The following TACC2 variants were observed in gnomAD, a reference collection of about 807,000 sequenced individuals.
The protein encoded by TACC2 is transforming acidic coiled-coil-containing protein 2.
A neutral mutation model predicts 227.3 loss-of-function variants in TACC2; 137 were observed. The ratio of observed to expected loss-of-function variants is 0.60; its 90% CI spans 0.52 to 0.69. The LOEUF is 0.69. Among genes scored for constraint, TACC2 ranks in the 30% least tolerant of loss-of-function variants. The pLI, the probability that TACC2 is intolerant of heterozygous loss-of-function variation, is 0.00. For missense variants in TACC2, 3,470 were observed against 3,694.4 expected (o/e 0.94, Z 1.57); for synonymous variants, 1,523 against 1,487.5 (o/e 1.02, Z -0.55).
In TACC2 at chr10:122,230,367, C is replaced by A; in HGVS notation, c.8054C>A (p.Ala2685Asp). Residue 2685 changes from alanine (A) to aspartate (D), a missense_variant, in exon 16 of 23, where the codon GCC (alanine) becomes GAC (aspartate). Ala to Asp is a moderately radical substitution (Grantham distance 126). Around this residue, in one of 10 missense-constraint regions of TACC2, gnomAD observed 345 missense variants for 354.4 expected, o/e 0.97. Transcript: ENST00000369005. ...AQKLQEELEF[A>D]IMRIEALKLA... is the part of the protein sequence containing the mutation. ...TGTGGGCAGGAGGAGTTAGAGTTTG[C>A]CATCATGCGGATAGAAGCCCTGAAG... 1.2e-6 allele frequency: 2 copies of A among 1,614,110 alleles called. No individual in the cohort carries two copies. Among genetic ancestry groups the A allele is most frequent in the Non-Finnish European group, 1.7e-6 (2 of 1,179,988 alleles).
intron 8 of TACC2, among the ~76,000 whole-genome samples, chr10:122,196,950 A>AC (rs2094591994): frequency 2.7e-5 from 4 of 149,900 alleles, no homozygotes; most frequent in Non-Finnish European, 4.4e-5. Context: ...AAAAAAAAAA[A>AC]ACAAAAAAAC....
intron 6 of TACC2, among the ~76,000 whole-genome samples, chr10:122,133,674 G>A (rs941033956): frequency 6.6e-6 from 1 of 152,118 alleles, no homozygotes; most frequent in Non-Finnish European, 1.5e-5. Flanking sequence ...GGAACTCATG[G>A]CCCAGTGACC....
At chr10:122,024,503 G>C (rs1302383292) in intron 2 of TACC2, among the ~76,000 whole-genome samples, 1 of 152,076 alleles carries the variant, frequency 6.6e-6, no homozygotes, top group South Asian at 2.1e-4. Flanking sequence ...GACCATGCCC[G>C]TCACCAGGGG....
intron 1 of TACC2, among the ~76,000 whole-genome samples, chr10:122,020,049 T>G (rs1426250794): frequency 6.6e-6 from 1 of 152,198 alleles, no homozygotes; most frequent in Non-Finnish European, 1.5e-5. Flanking sequence ...TTTAGTCTGT[T>G]TGTTTAAAAA....
In TACC2 at chr10:122,209,661, A is replaced by G. The variant is rs535429031; in HGVS notation, c.5972-736A>G. Among the ~76,000 whole-genome samples, 2 of 152,204 alleles carry G rather than the reference A, an allele frequency of 1.3e-5. No homozygotes were observed. Among genetic ancestry groups the G allele is most frequent in the East Asian group, 3.9e-4 (2 of 5,178 alleles). ...TCCCGGCTTTATTTTTCTCCTTAGCATGTATCACCCTCTGAAATTCTGTAC... is the reference window on the plus strand; with the variant it reads ...TCCCGGCTTTATTTTTCTCCTTAGCGTGTATCACCCTCTGAAATTCTGTAC... On this transcript the variant is annotated intron_variant, in intron 8 of 22. Coordinates refer to ENST00000369005, the MANE Select transcript of TACC2 (RefSeq NM_206862.4). The surrounding 1 kb of genome is among the most constrained non-coding windows in gnomAD (Gnocchi z 4.5).
At chr10:122,099,558 C>T (rs1389268403) in intron 5 of TACC2, among the ~76,000 whole-genome samples, 1 of 152,180 alleles carries the variant, frequency 6.6e-6, no homozygotes, top group African/African-American at 2.4e-5. Context: ...TGAGTCTGTC[C>T]TCCCCAGCAG....
chr10:122,011,560 C>T (rs1955929182), intron 1 of TACC2, among the ~76,000 whole-genome samples: 1 of 152,142 alleles, frequency 6.6e-6, no homozygotes, highest in African/African-American at 2.4e-5. Context: ...GATCTCTTCA[C>T]CTCGTGATCT....
At chr10:122,076,092 A>G (rs2078773107) in intron 3 of TACC2, among the ~76,000 whole-genome samples, 1 of 152,072 alleles carries the variant, frequency 6.6e-6, no homozygotes, top group Non-Finnish European at 1.5e-5. Context: ...GAGCCACTGC[A>G]CCTAGCATTG....
intron 6 of TACC2, among the ~76,000 whole-genome samples, chr10:122,136,453 G>T (rs1027473950): frequency 2.3e-4 from 35 of 152,008 alleles, no homozygotes; most frequent in Admixed American, 4.6e-4. Context: ...AACAGTCCTC[G>T]GGAGAGGTGT....
intron 13 of TACC2, 122 bp downstream of exon 13, chr10:122,226,603 T>C (rs2095633851): frequency 3.3e-6 from 2 of 615,150 alleles, no homozygotes; most frequent in Non-Finnish European, 5.4e-6. Context: ...ACATGCCACA[T>C]ATTTTTTTTT....
At chr10:122,224,005 C>T (rs374632815) in intron 11 of TACC2, among the ~76,000 whole-genome samples, 3 of 152,144 alleles carry the variant, frequency 2.0e-5, no homozygotes, top group South Asian at 2.1e-4. Flanking sequence ...ATGGGGAGTT[C>T]AGTTGAGTGT....
chr10:122,211,453 A>G lies in TACC2; in HGVS notation c.7028A>G (p.Asp2343Gly). The change falls in exon 9 of 23, where the codon GAT becomes GGT. Residue 2343 changes from aspartate to glycine, a missense_variant. Around this residue, in one of 10 missense-constraint regions of TACC2, gnomAD observed 593 missense variants for 636.6 expected, o/e 0.93. Coordinates refer to ENST00000369005, the MANE Select transcript of TACC2 (RefSeq NM_206862.4). ...TACACCTTTGATATTGACAAGTGGG[A>G]TGACCCCAATTTTAACCCTTTTTCT... ...GTYTFDIDKW[D>G]DPNFNPFSST... 1.2e-5 allele frequency: 20 copies of G among 1,614,104 alleles called. No homozygotes were observed. The highest frequency in any genetic ancestry group is 1.6e-5 in the Non-Finnish European group (19 of 1,180,018).
In TACC2 at chr10:122,087,360, C is replaced by T. The variant is rs200645473; in HGVS notation, c.4860C>T (p.His1620=). 1.2e-5 allele frequency: 19 copies of T among 1,614,072 alleles called. No homozygotes were observed. The East Asian group carries it at 3.8e-4, about 32-fold the overall frequency. Residue 1620 remains histidine, a synonymous_variant, in exon 4 of 23, where the codon CAC becomes CAT. Coordinates refer to ENST00000369005, the MANE Select transcript of TACC2 (RefSeq NM_206862.4). The part of the protein sequence containing the change: ...HGEDGPGDFA[H]TGVPGHVPRS... ...AAGATGGTCCCGGGGACTTTGCTCA[C>T]ACAGGGGTTCCAGGACATGTGCCAA... is the stretch of plus-strand genomic sequence containing the variant.
intron 10 of TACC2, 71 bp downstream of exon 10, chr10:122,215,522 G>A: frequency 1.5e-6 from 2 of 1,334,788 alleles, no homozygotes; most frequent in Admixed American, 1.7e-5. Flanking sequence ...TGTTGACAAA[G>A]CTTTGCTTTC....
At chr10:122,047,616 A>G (rs1233757649) in intron 2 of TACC2, among the ~76,000 whole-genome samples, 1 of 152,216 alleles carries the variant, frequency 6.6e-6, no homozygotes, top group East Asian at 1.9e-4. Context: ...TGGCTCTGGG[A>G]TCAGAGATAA....
At chr10:122,011,206 G>T (rs1221136964) in intron 1 of TACC2, among the ~76,000 whole-genome samples, 1 of 110,688 alleles carries the variant, frequency 9.0e-6, no homozygotes, top group Non-Finnish European at 2.2e-5. Context: ...GGTAGACAGT[G>T]ACACAGGGCC....
intron 5 of TACC2, among the ~76,000 whole-genome samples, chr10:122,102,731 A>T (rs1356956260): frequency 6.6e-6 from 1 of 152,178 alleles, no homozygotes; most frequent in Middle Eastern, 3.2e-3. Context: ...CTCATGGAAC[A>T]CACGTCTGTC....
At chr10:122,177,972 T>C (rs2093801379) in intron 7 of TACC2, among the ~76,000 whole-genome samples, 1 of 152,208 alleles carries the variant, frequency 6.6e-6, no homozygotes, top group Non-Finnish European at 1.5e-5. Flanking sequence ...ACATTTAATA[T>C]ACAATGATAG....
chr10:122,194,919 C>T lies in TACC2; in HGVS notation c.5835-121C>T. On this transcript the variant is annotated intron_variant, in intron 7 of 22. Coordinates refer to ENST00000369005, the MANE Select transcript of TACC2 (RefSeq NM_206862.4). This position sits in a 1 kb window ranked among gnomAD's most constrained non-coding sequence, Gnocchi z 4.4. ...GAAAATGACTTTCCTCTCATCTGTC[C>T]CTGCACAGTTTAACTGAGCAGCGAG... is the stretch of plus-strand genomic sequence containing the variant. The T allele has an allele frequency of 7.3e-6, 7 of 961,940 alleles. No homozygotes were observed. The highest frequency in any genetic ancestry group is 1.1e-5 in the Non-Finnish European group (7 of 632,738). 59.6% of individuals were successfully genotyped at this position (961,940 alleles called of 1,614,324 possible). A position where few individuals can be genotyped will look rare whatever the true frequency, so the allele number is the denominator to read the frequency against.
Sources: allele counts gnomAD v4.1 joint callset (sites outside exome capture counted in the v4.1 genomes callset), GRCh38; gene constraint gnomAD v4.1.1; regional missense constraint gnomAD v4.1.1; non-coding constraint Gnocchi (gnomAD v3.1); transcripts MANE v1.5; gene names NCBI Gene and HGNC (gene_info 2026-07-23, HGNC 2026-07-21).